Variants in MCM8 observed in about 807,000 individuals in gnomAD.
MCM8 encodes DNA helicase MCM8.
A neutral mutation model predicts 98.9 loss-of-function variants in MCM8; 85 were observed. The observed-to-expected ratio is 0.86, with a 90% confidence interval of 0.72 to 1.03. The LOEUF is 1.03. Ranked by LOEUF, MCM8 falls within the 50% of genes least tolerant of loss-of-function variation. MCM8 has a pLI of 0.00. For missense variants in MCM8, 951 were observed against 997.8 expected, an observed-to-expected ratio of 0.95 and a Z score of 0.63; for synonymous variants, 352 against 338.6, an observed-to-expected ratio of 1.04 and a Z score of -0.44.
At chr20:5,986,200 G>T (rs2122812280) in intron 16 of MCM8, 69 bp downstream of exon 16, 1 of 1,422,720 alleles carries the variant, frequency 7.0e-7, no homozygotes, top group South Asian at 1.2e-5. Flanking sequence ...CTTCTCTTTT[G>T]AAGTATTTTC....
rs2089932680 is a variant in MCM8 at position 5,994,861 on chromosome 20, A to G, written c.*470A>G. ...GAGTTTGAGGTTACAGTGAGCCACA[A>G]TCACACCAATCACTGCACTCCAGCC... is the stretch of plus-strand genomic sequence containing the variant. On this transcript the variant is annotated 3_prime_UTR_variant, in exon 19 of 19. Coordinates refer to ENST00000610722, the MANE Select transcript of MCM8 (RefSeq NM_032485.6). 3 of 323,004 alleles carry G rather than the reference A, an allele frequency of 9.3e-6. No homozygotes were observed. Among genetic ancestry groups the G allele is most frequent in the South Asian group, 2.6e-5 (1 of 38,462 alleles). The allele number at this position is 323,004 out of a possible 1,614,324, so 20.0% of individuals were successfully genotyped here.
intron 13 of MCM8, among the ~76,000 whole-genome samples, chr20:5,982,441 A>C (rs1600294777): frequency 1.3e-5 from 2 of 152,144 alleles, no homozygotes; most frequent in Non-Finnish European, 2.9e-5. Context: ...AATAGACATG[A>C]CATTCCTGGT....
At chr20:5,971,901 A>T in intron 10 of MCM8, 106 bp from the exon 11 acceptor site, 3 of 896,238 alleles carry the variant, frequency 3.3e-6, no homozygotes, top group Non-Finnish European at 5.2e-6. Flanking sequence ...AATTTTTTAC[A>T]TTTGTCTTTG....
Position 5,994,299 on chromosome 20 carries a change from G to A in MCM8, c.2431G>A (p.Val811Ile), listed in dbSNP as rs2089912562. The A allele has an allele frequency of 6.3e-7, 1 of 1,587,392 alleles. No homozygotes were observed. Among genetic ancestry groups the A allele is most frequent in the African/African-American group, 1.4e-5 (1 of 73,330 alleles). ...TAAACCTTTTGATGTTTTCTTCCAG[G>A]TTGCTGATTTTGAAAATTTTATTGG... Reference protein sequence around the residue: ...RQIAKELNIQVADFENFIGSL... With the variant: ...RQIAKELNIQIADFENFIGSL... The change falls in exon 19 of 19, where the codon GTT (valine) becomes ATT (isoleucine). Residue 811 changes from valine to isoleucine, a missense_variant and splice_region_variant. Physicochemically the swap from Val to Ile is conservative, Grantham distance 29 (BLOSUM62 3). Transcript: ENST00000610722.
Position 5,983,218 on chromosome 20 carries a change from A to G in MCM8, c.1733+53A>G, listed in dbSNP as rs756902944. 2.0e-4 allele frequency: 288 copies of G among 1,430,410 alleles called. 1 individual carries two copies. Among genetic ancestry groups the G allele is most frequent in the Non-Finnish European group, 2.5e-4 (258 of 1,052,384 alleles). The allele number at this position is 1,430,410 out of a possible 1,614,324, so 88.6% of individuals were successfully genotyped here. On this transcript the variant is annotated intron_variant, in intron 14 of 18. Coordinates refer to ENST00000610722, the MANE Select transcript of MCM8 (RefSeq NM_032485.6). ...TAATGTATTGAATCACTTTAATTCA[A>G]TAAGAAAAAGAAATAGTTCACAGAA...
rs149662059 is a variant in MCM8 at position 5,993,556 on chromosome 20, C to G, written c.2291C>G (p.Ser764Cys). Residue 764 changes from serine to cysteine, a missense_variant, in exon 18 of 19, where the codon TCC (serine) becomes TGC (cysteine). Transcript: ENST00000610722. ...DEFGNLDFER[S>C]QHGSGMSNRS... Reference sequence around the variant, plus strand: ...TTTGGGAACCTAGATTTTGAGCGATCCCAGCATGGTTCTGGAATGAGCAAC... The same window carrying G: ...TTTGGGAACCTAGATTTTGAGCGATGCCAGCATGGTTCTGGAATGAGCAAC... 1.3e-6 allele frequency: 2 copies of G among 1,596,762 alleles called. No individual in the cohort carries two copies. The highest frequency in any genetic ancestry group is 1.3e-5 in the African/African-American group (1 of 74,862).
chr20:5,963,266 T>TGAGCATCTTTTCATATCTTTACTGGC lies in MCM8; in HGVS notation c.790-8_790-7insGAGCATCTTTTCATATCTTTACTGGC. The stretch of plus-strand genomic sequence containing the variant: ...AATCTGAATGTGAATTACTTTTGTT[T>TGAGCATCTTTTCATATCTTTACTGGC]CATTCAGTGTCCTGTGCCTGTGTGT... On this transcript the variant is annotated splice_region_variant and splice_polypyrimidine_tract_variant and intron_variant, in intron 7 of 18. Coordinates refer to ENST00000610722, the MANE Select transcript of MCM8 (RefSeq NM_032485.6). The TGAGCATCTTTTCATATCTTTACTGGC allele has an allele frequency of 6.2e-7, 1 of 1,607,120 alleles. No homozygotes were observed. The highest frequency in any genetic ancestry group is 8.5e-7 in the Non-Finnish European group (1 of 1,173,708).
chr20:5,974,707 C>T (rs897419722), intron 12 of MCM8, among the ~76,000 whole-genome samples: 22 of 152,308 alleles, frequency 1.4e-4, no homozygotes, highest in African/African-American at 5.3e-4. Flanking sequence ...GCCTTGAGAA[C>T]TGCTTTGATC....
In MCM8 at chr20:5,971,998, G is replaced by C; in HGVS notation, c.1224-9G>C. 6.2e-7 allele frequency: 1 copy of C among 1,610,384 alleles called. No homozygotes were observed. ...AATTAGAATTTATAAGTTGTGTTCTGTTTTTCAGCTCGCTTTGCCCTGTCA... is the reference window on the plus strand; with the variant it reads ...AATTAGAATTTATAAGTTGTGTTCTCTTTTTCAGCTCGCTTTGCCCTGTCA... On this transcript the variant is annotated splice_polypyrimidine_tract_variant and intron_variant, in intron 10 of 18. Transcript: ENST00000610722.
rs200276240 is a variant in MCM8 at position 5,973,050 on chromosome 20, C to G, written c.1255-6C>G. The G allele has an allele frequency of 4.3e-6, 7 of 1,612,734 alleles. No homozygotes were observed. Among genetic ancestry groups the G allele is most frequent in the Non-Finnish European group, 5.9e-6 (7 of 1,179,080 alleles). On this transcript the variant is annotated splice_polypyrimidine_tract_variant and splice_region_variant and intron_variant, in intron 11 of 18. Transcript: ENST00000610722. ...TTCTGTTTTTTGTTCTTTTTTCGCA[C>G]TTGAGCTTGTTAAAGCAGGTTTGGC...
At chr20:5,958,153 G>A (rs956600764) in intron 6 of MCM8, among the ~76,000 whole-genome samples, 6 of 152,228 alleles carry the variant, frequency 3.9e-5, no homozygotes, top group African/African-American at 1.4e-4. Context: ...GGCGGATCAC[G>A]AGGTCAAGCG....
At position 5,993,574 on chromosome 20, in the gene MCM8, T is replaced by C. The variant is rs749129083; in HGVS notation, c.2309T>C (p.Met770Thr). 1.7e-5 allele frequency: 28 copies of C among 1,611,940 alleles called. No homozygotes were observed. The South Asian group carries it at 3.1e-4, about 18-fold the overall frequency. ...DFERSQHGSG[M>T]SNRSTAKRFI... ...GAGCGATCCCAGCATGGTTCTGGAA[T>C]GAGCAACAGGTCAACAGCGAAAAGA... The change falls in exon 18 of 19, where the codon ATG becomes ACG. Residue 770 changes from methionine to threonine, a missense_variant. By Grantham distance (81) the Met-to-Thr change is moderately conservative. Transcript: ENST00000610722.
chr20:5,958,775 A>G (rs748050121), intron 7 of MCM8, 49 bp downstream of exon 7: 2 of 1,523,482 alleles, frequency 1.3e-6, no homozygotes, highest in South Asian at 2.3e-5. Context: ...AAAGAAGGCA[A>G]ATCAGAATAC....
intron 17 of MCM8, 23 bp downstream of exon 17, chr20:5,987,381 T>C: frequency 6.3e-7 from 1 of 1,587,112 alleles, no homozygotes; most frequent in Non-Finnish European, 8.6e-7. Flanking sequence ...TTTCAAATTG[T>C]TTTAAATGAA....
At chr20:5,972,071 A>T (rs368440300) in intron 11 of MCM8, 34 bp downstream of exon 11, 1 of 1,552,198 alleles carries the variant, frequency 6.4e-7, no homozygotes, top group Non-Finnish European at 8.8e-7. Flanking sequence ...CTCAAAAAGT[A>T]TATAAGGTTA....
intron 8 of MCM8, among the ~76,000 whole-genome samples, chr20:5,967,073 T>C (rs80226382): frequency 0.036 from 5,460 of 152,342 alleles, 130 homozygotes; most frequent in Middle Eastern, 0.1. Flanking sequence ...ACTTTGCTTG[T>C]ACGCTTATAG....
At chr20:5,980,602 T>C (rs1196539070) in intron 13 of MCM8, among the ~76,000 whole-genome samples, 2 of 152,140 alleles carry the variant, frequency 1.3e-5, no homozygotes, top group African/African-American at 2.4e-5. Context: ...TTGGAGGTTT[T>C]TTAAAAAAAT....
chr20:5,951,458 C>CT (rs11453311), intron 1 of MCM8, among the ~76,000 whole-genome samples: 48,361 of 151,990 alleles, frequency 0.32, 9,433 homozygotes, highest in African/African-American at 0.55. Flanking sequence ...TCTTTATTTA[C>CT]TTGTATACTT....
intron 10 of MCM8, among the ~76,000 whole-genome samples, chr20:5,971,170 C>A (rs537154673): frequency 5.9e-5 from 9 of 152,212 alleles, no homozygotes; most frequent in South Asian, 4.1e-4. Flanking sequence ...TCAGCCAGGG[C>A]TCTTAAGATT....
Sources: allele counts gnomAD v4.1 joint callset (sites outside exome capture counted in the v4.1 genomes callset), GRCh38; gene constraint gnomAD v4.1.1; transcripts MANE v1.5; gene names NCBI Gene and HGNC (gene_info 2026-07-23, HGNC 2026-07-21).